L3MBTL4: variants seen among roughly 807,000 people sequenced by gnomAD.
The protein encoded by L3MBTL4 is L3MBTL histone methyl-lysine binding protein 4.
Under a neutral mutation model 84.5 loss-of-function variants are expected in L3MBTL4, and 70 were observed. The observed-to-expected ratio is 0.83, with a 90% CI of 0.68 to 1.01. The LOEUF is 1.01. Ranked by LOEUF, L3MBTL4 falls within the 50% of genes least tolerant of loss-of-function variation. The pLI is 0.00. For synonymous variants in L3MBTL4, 274 were observed against 259.8 expected (o/e 1.05, Z -0.52); for missense variants, 715 against 754.8 (o/e 0.95, Z 0.62).
intron 16 of L3MBTL4, among the ~76,000 whole-genome samples, chr18:5,989,700 G>C (rs2053605265): frequency 6.6e-6 from 1 of 152,176 alleles, no homozygotes; most frequent in African/African-American, 2.4e-5. Flanking sequence ...AGGGAAAGCT[G>C]AGATTCCGCA....
intron 13 of L3MBTL4, among the ~76,000 whole-genome samples, chr18:6,167,211 G>A (rs1262040672): frequency 6.6e-6 from 1 of 152,162 alleles, no homozygotes; most frequent in Non-Finnish European, 1.5e-5. Context: ...AAAGAGTCCA[G>A]GACAAGATGG....
chr18:6,072,697 CAA>C (rs60257178), intron 16 of L3MBTL4, among the ~76,000 whole-genome samples: 2 of 143,166 alleles, frequency 1.4e-5, no homozygotes, highest in African/African-American at 2.6e-5. Flanking sequence ...CACACACACA[CAA>C]AAAAAAATTA....
chr18:6,366,668 C>T (rs190685917), intron 1 of L3MBTL4, among the ~76,000 whole-genome samples: 2 of 152,280 alleles, frequency 1.3e-5, no homozygotes, highest in East Asian at 3.9e-4. Flanking sequence ...TAATTTCACA[C>T]ATTCCCAAAA....
At chr18:6,344,514 A>G (rs556057557) in intron 1 of L3MBTL4, among the ~76,000 whole-genome samples, 1 of 152,370 alleles carries the variant, frequency 6.6e-6, no homozygotes, top group African/African-American at 2.4e-5. Context: ...TGAAGAGTAG[A>G]GACAACACTT....
chr18:6,027,751 T>C (rs1340746729), intron 16 of L3MBTL4, among the ~76,000 whole-genome samples: 5 of 152,234 alleles, frequency 3.3e-5, no homozygotes, highest in Non-Finnish European at 7.3e-5. Flanking sequence ...AGATGGTATC[T>C]CACTGTGGTT....
chr18:6,198,776 G>A (rs2045520652), intron 12 of L3MBTL4, among the ~76,000 whole-genome samples: 1 of 152,204 alleles, frequency 6.6e-6, no homozygotes, highest in Non-Finnish European at 1.5e-5. Flanking sequence ...AGTGTTGACA[G>A]TGATAGGCTG....
chr18:5,964,496 CAG>C (rs1426157342), intron 17 of L3MBTL4, among the ~76,000 whole-genome samples: 1 of 151,874 alleles, frequency 6.6e-6, no homozygotes, highest in East Asian at 1.9e-4. Context: ...TCTTTAACAG[CAG>C]AGTTTATTTG....
At chr18:6,045,305 A>T (rs146111300) in intron 16 of L3MBTL4, among the ~76,000 whole-genome samples, 4 of 152,356 alleles carry the variant, frequency 2.6e-5, no homozygotes, top group African/African-American at 9.6e-5. Flanking sequence ...GGCAAAGAAG[A>T]AATAAAATCT....
chr18:6,068,504 TTCAGA>T (rs1003520703), intron 16 of L3MBTL4, among the ~76,000 whole-genome samples: 10 of 152,184 alleles, frequency 6.6e-5, no homozygotes, highest in African/African-American at 2.4e-4. Context: ...ATTCCAGCTA[TTCAGA>T]TCAGACAGGT....
intron 1 of L3MBTL4, chr18:6,413,927 T>TA (rs2056077630): frequency 6.6e-6 from 1 of 152,276 alleles, no homozygotes; most frequent in Non-Finnish European, 1.5e-5. Context: ...AACCAGTGAC[T>TA]AAGGGAGATC....
chr18:6,221,811 C>T (rs1332514853), intron 10 of L3MBTL4, among the ~76,000 whole-genome samples: 1 of 152,172 alleles, frequency 6.6e-6, no homozygotes, highest in Non-Finnish European at 1.5e-5. Context: ...GTGTCTCTCA[C>T]AAGGCAGGGC....
chr18:6,153,384 A>AT (rs202109269), intron 13 of L3MBTL4, among the ~76,000 whole-genome samples: 1,626 of 152,144 alleles, frequency 0.011, 30 homozygotes, highest in African/African-American at 0.037. Context: ...GTCTTCTACA[A>AT]TTTTTTTCAA....
intron 4 of L3MBTL4, among the ~76,000 whole-genome samples, chr18:6,286,042 T>C (rs2049567316): frequency 6.6e-6 from 1 of 151,324 alleles, no homozygotes; most frequent in Non-Finnish European, 1.5e-5. Context: ...ATGTTGGCCA[T>C]GCTGGTCTCA....
At chr18:6,355,600 A>G (rs1158702034) in intron 1 of L3MBTL4, among the ~76,000 whole-genome samples, 2 of 152,112 alleles carry the variant, frequency 1.3e-5, no homozygotes, top group African/African-American at 4.8e-5. Flanking sequence ...TCTGAATACA[A>G]AGGCCTGGAA....
At chr18:6,349,509 G>T (rs548302060) in intron 1 of L3MBTL4, among the ~76,000 whole-genome samples, 1 of 152,100 alleles carries the variant, frequency 6.6e-6, no homozygotes, top group Admixed American at 6.6e-5. Context: ...TGGGAGGATC[G>T]CTTGAGGCCA....
At chr18:5,988,146 A>G (rs2053544325) in intron 16 of L3MBTL4, among the ~76,000 whole-genome samples, 3 of 152,244 alleles carry the variant, frequency 2.0e-5, no homozygotes, top group African/African-American at 7.2e-5. Context: ...AACGTAGTCC[A>G]TCAGCAAATC....
At chr18:6,400,811 T>C (rs998217251) in intron 1 of L3MBTL4, among the ~76,000 whole-genome samples, 32 of 152,136 alleles carry the variant, frequency 2.1e-4, no homozygotes, top group African/African-American at 7.5e-4. Flanking sequence ...ATCAAGCAAC[T>C]GGGAACTGTA....
At chr18:6,329,345 G>A (rs1475693995) in intron 1 of L3MBTL4, among the ~76,000 whole-genome samples, 1 of 151,414 alleles carries the variant, frequency 6.6e-6, no homozygotes, top group African/African-American at 2.4e-5. Flanking sequence ...AGTAGAGACG[G>A]GGTTTCATCC....
At chr18:5,981,717 T>C (rs1461401016) in intron 16 of L3MBTL4, among the ~76,000 whole-genome samples, 1 of 151,790 alleles carries the variant, frequency 6.6e-6, no homozygotes, top group East Asian at 1.9e-4. Flanking sequence ...CCGAAGACAC[T>C]TGAGTCCAGG....
Sources: allele counts gnomAD v4.1 joint callset (sites outside exome capture counted in the v4.1 genomes callset), GRCh38; gene constraint gnomAD v4.1.1; transcripts MANE v1.5; gene names NCBI Gene and HGNC (gene_info 2026-07-23, HGNC 2026-07-21).